Variants in DIAPH2 observed in about 807,000 individuals in gnomAD.
DIAPH2 encodes the protein protein diaphanous homolog 2.
Under a neutral mutation model 92.7 loss-of-function variants are expected in DIAPH2, and 35 were observed. The observed-to-expected ratio is 0.38, with a 90% CI of 0.29 to 0.50. The LOEUF (loss-of-function observed/expected upper bound fraction) is 0.50, where lower values mean the gene tolerates loss of function less well. Among genes scored for constraint, DIAPH2 ranks in the 20% least tolerant of loss-of-function variants. DIAPH2 has a pLI of 0.94. For missense variants in DIAPH2, 701 were observed against 819.5 expected (o/e 0.86, Z 1.77); for synonymous variants, 301 against 280.4 (o/e 1.07, Z -0.73).
intron 26 of DIAPH2, among the ~76,000 whole-genome samples, chrX:97,497,391 CCT>C (rs2070766371): frequency 9.0e-6 from 1 of 110,617 alleles, no homozygotes; most frequent in African/African-American, 3.3e-5. Flanking sequence ...TGAGATCACC[CCT>C]GTTAACCTCC....
At chrX:97,301,820 A>T (rs1275710270) in intron 23 of DIAPH2, among the ~76,000 whole-genome samples, 2 of 111,565 alleles carry the variant, frequency 1.8e-5, no homozygotes, top group African/African-American at 6.6e-5. Context: ...GTAGCATAGC[A>T]TTAGCTTATC....
At chrX:96,868,735 C>A (rs1413970589) in intron 4 of DIAPH2, among the ~76,000 whole-genome samples, 1 of 111,607 alleles carries the variant, frequency 9.0e-6, no homozygotes, top group African/African-American at 3.3e-5. Flanking sequence ...TATCTCTGTA[C>A]TCTCAGTGCC....
At chrX:97,560,124 T>C (rs888776435) in intron 26 of DIAPH2, among the ~76,000 whole-genome samples, 1 of 111,911 alleles carries the variant, frequency 8.9e-6, no homozygotes, top group Non-Finnish European at 1.9e-5. Context: ...GATCCAGAGA[T>C]ACAAGTATTA....
chrX:96,987,027 G>A (rs1445771670), intron 17 of DIAPH2, among the ~76,000 whole-genome samples: 1 of 111,072 alleles, frequency 9.0e-6, no homozygotes, highest in African/African-American at 3.3e-5. Flanking sequence ...ACCCTTTCAG[G>A]TAATATCATA....
intron 23 of DIAPH2, among the ~76,000 whole-genome samples, chrX:97,305,824 CA>C (rs754094514): frequency 2.9e-3 from 144 of 49,140 alleles, no homozygotes; most frequent in Middle Eastern, 0.014. Flanking sequence ...ACTCCTTCTC[CA>C]AAAAAAAAAA....
chrX:96,695,811 A>T (rs756181560), intron 1 of DIAPH2, among the ~76,000 whole-genome samples: 2 of 111,592 alleles, frequency 1.8e-5, no homozygotes, highest in Non-Finnish European at 3.8e-5. Context: ...CTGACCACGG[A>T]GATAACAGGC....
In DIAPH2 at chrX:97,153,957, T is replaced by C. The variant is rs1201532091; in HGVS notation, c.2719+12163T>C. Among the ~76,000 whole-genome samples the C allele has an allele frequency of 2.7e-5, 3 of 110,911 alleles. No individual in the cohort carries two copies. In the East Asian group the frequency reaches 8.4e-4, roughly 31 times the overall value. On this transcript the variant is annotated intron_variant, in intron 22 of 26. Transcript: ENST00000324765. ...TTGATAGTAAAAGTTTAGGGGCAAA[T>C]AAAAAAGGTATGAATATAAAAGATT...
chrX:96,810,805 G>C (rs770186915), intron 4 of DIAPH2, among the ~76,000 whole-genome samples: 22 of 111,557 alleles, frequency 2.0e-4, no homozygotes, highest in African/African-American at 7.2e-4. Flanking sequence ...TTTTTGTCAG[G>C]TTTGTCAAAG....
chrX:96,917,045 C>T lies in DIAPH2; in HGVS notation c.869+471C>T, dbSNP rs763589618. Among the ~76,000 whole-genome samples the T allele has an allele frequency of 1.2e-4, 13 of 111,076 alleles. No individual in the cohort carries two copies. In the South Asian group the frequency reaches 1.5e-3, roughly 13 times the overall value. On this transcript the variant is annotated intron_variant, in intron 8 of 26. Coordinates refer to ENST00000324765, the MANE Select transcript of DIAPH2 (RefSeq NM_006729.5). ...AATAAACCCACCTGTTAGAAAAAAACGGTTGTTGATAATTATTCAAAGTGT... is the reference window on the plus strand; with the variant it reads ...AATAAACCCACCTGTTAGAAAAAAATGGTTGTTGATAATTATTCAAAGTGT...
chrX:97,205,023 A>G (rs550866703), intron 22 of DIAPH2, among the ~76,000 whole-genome samples: 1 of 111,001 alleles, frequency 9.0e-6, no homozygotes, highest in South Asian at 3.9e-4. Flanking sequence ...AACCCCACAC[A>G]TCTAAAACCA....
At chrX:97,277,828 A>G (rs982726141) in intron 23 of DIAPH2, among the ~76,000 whole-genome samples, 6 of 112,074 alleles carry the variant, frequency 5.4e-5, no homozygotes, top group Admixed American at 9.5e-5. Context: ...GAACATTTCC[A>G]TTCCAAAAAT....
intron 9 of DIAPH2, among the ~76,000 whole-genome samples, chrX:96,922,026 G>T (rs1474418446): frequency 9.0e-6 from 1 of 111,184 alleles, no homozygotes; most frequent in Non-Finnish European, 1.9e-5. Context: ...GCCGGACAGT[G>T]TTTAAAATAC....
intron 22 of DIAPH2, among the ~76,000 whole-genome samples, chrX:97,234,081 A>G (rs1216787384): frequency 1.8e-5 from 2 of 109,148 alleles, no homozygotes; most frequent in Non-Finnish European, 3.8e-5. Flanking sequence ...CCCAGCACTT[A>G]GGGAGGCTGA....
chrX:97,441,254 A>G (rs1201470978), intron 26 of DIAPH2, among the ~76,000 whole-genome samples: 10 of 110,694 alleles, frequency 9.0e-5, no homozygotes, highest in African/African-American at 3.3e-4. Flanking sequence ...CGTCTCTACT[A>G]AAAATACAAA....
At chrX:97,315,407 T>G (rs765612290) in intron 23 of DIAPH2, among the ~76,000 whole-genome samples, 2 of 111,865 alleles carry the variant, frequency 1.8e-5, no homozygotes, top group South Asian at 7.5e-4. Context: ...GCATTTTTAC[T>G]GGAGATTAAT....
chrX:97,300,931 TAAAAA>T (rs774601881), intron 23 of DIAPH2, among the ~76,000 whole-genome samples: 19 of 10,783 alleles, frequency 1.8e-3, no homozygotes, highest in African/African-American at 5.4e-3. Context: ...GACTCCGTCT[TAAAAA>T]AAAAAAAAAA....
At chrX:97,347,224 G>C (rs1359360712) in intron 23 of DIAPH2, among the ~76,000 whole-genome samples, 2 of 107,742 alleles carry the variant, frequency 1.9e-5, no homozygotes, top group Non-Finnish European at 3.8e-5. Flanking sequence ...GAGTAGCTGG[G>C]AGTACAGGCG....
intron 23 of DIAPH2, among the ~76,000 whole-genome samples, chrX:97,344,832 C>G (rs768277107): frequency 8.9e-6 from 1 of 112,002 alleles, no homozygotes; most frequent in Non-Finnish European, 1.9e-5. Flanking sequence ...ACAAATTTTC[C>G]CTTTTTTGTT....
intron 26 of DIAPH2, among the ~76,000 whole-genome samples, chrX:97,590,109 T>C (rs767274088): frequency 1.6e-4 from 18 of 112,218 alleles, no homozygotes; most frequent in Non-Finnish European, 3.4e-4. Flanking sequence ...GACTCTTGCA[T>C]TGTAAGCTGT....
Sources: allele counts gnomAD v4.1 joint callset (sites outside exome capture counted in the v4.1 genomes callset), GRCh38; gene constraint gnomAD v4.1.1; transcripts MANE v1.5; gene names NCBI Gene and HGNC (gene_info 2026-07-23, HGNC 2026-07-21).